The following ZFPM2 variants were observed in gnomAD, a reference collection of about 807,000 sequenced individuals.
The protein encoded by ZFPM2 is zinc finger protein ZFPM2.
ZFPM2 carries 20 observed loss-of-function variants against 98.6 expected under a neutral mutation model. The ratio of observed to expected loss-of-function variants is 0.20; its 90% CI spans 0.14 to 0.29. ZFPM2 has a LOEUF of 0.29. Among genes scored for constraint, ZFPM2 ranks in the 10% least tolerant of loss-of-function variants. The probability of loss-of-function intolerance (pLI) is 1.00; values close to 1 mark genes in which losing one functional copy is unlikely to be tolerated. For missense variants in ZFPM2, 1,310 were observed against 1,388.6 expected (o/e 0.94, Z 0.90); for synonymous variants, 518 against 502.7 (o/e 1.03, Z -0.41).
chr8:105,444,550 A>G (rs1265256565), intron 3 of ZFPM2, among the ~76,000 whole-genome samples, 169 bp downstream of exon 3: 4 of 152,182 alleles, frequency 2.6e-5, no homozygotes, highest in Non-Finnish European at 4.4e-5. Flanking sequence ...GATTTTTGTT[A>G]TATAAATTAT....
At chr8:105,570,605 G>A (rs1015876606) in intron 4 of ZFPM2, among the ~76,000 whole-genome samples, 2 of 152,144 alleles carry the variant, frequency 1.3e-5, no homozygotes, top group Non-Finnish European at 2.9e-5. Context: ...CTGAATTTGT[G>A]CCCTTCCTGA....
intron 4 of ZFPM2, among the ~76,000 whole-genome samples, chr8:105,633,256 A>T (rs1034252753): frequency 1.3e-5 from 2 of 152,224 alleles, no homozygotes; most frequent in South Asian, 4.1e-4. Flanking sequence ...TGGCAGGATC[A>T]TATCTAGGTG....
chr8:105,609,001 A>G (rs1404572914), intron 4 of ZFPM2, among the ~76,000 whole-genome samples: 1 of 152,150 alleles, frequency 6.6e-6, no homozygotes, highest in Non-Finnish European at 1.5e-5. Flanking sequence ...AAGAAGAGAC[A>G]CATGGAATAA....
chr8:105,468,368 T>C (rs1812833691), intron 3 of ZFPM2, among the ~76,000 whole-genome samples: 1 of 152,086 alleles, frequency 6.6e-6, no homozygotes, highest in Non-Finnish European at 1.5e-5. Flanking sequence ...CTCCTTCATA[T>C]GTATCAACCC....
At chr8:105,651,203 C>T (rs1258262236) in intron 5 of ZFPM2, among the ~76,000 whole-genome samples, 1 of 152,072 alleles carries the variant, frequency 6.6e-6, no homozygotes. Context: ...TTTCCTTTGA[C>T]TACCTCATTT....
chr8:105,792,454 A>G (rs577131567), intron 6 of ZFPM2, among the ~76,000 whole-genome samples: 1 of 152,300 alleles, frequency 6.6e-6, no homozygotes, highest in South Asian at 2.1e-4. Flanking sequence ...GGTCAGAGAT[A>G]TAGTTTGTTA....
In ZFPM2 at chr8:105,801,257, C is replaced by G; in HGVS notation, c.1175C>G (p.Pro392Arg). 6.2e-7 allele frequency: 1 copy of G among 1,613,900 alleles called. No homozygotes were observed. The highest frequency in any genetic ancestry group is 8.5e-7 in the Non-Finnish European group (1 of 1,179,864). Residue 392 changes from proline to arginine, a missense_variant, in exon 8 of 8, where the codon CCC becomes CGC. Coordinates refer to ENST00000407775, the MANE Select transcript of ZFPM2 (RefSeq NM_012082.4). ...QELHVPSGKL[P>R]RESDMEHSPS... is the part of the protein sequence containing the mutation. ...CTCCATGTCCCTAGCGGCAAACTTC[C>G]CAGAGAAAGTGACATGGAACACTCT...
intron 1 of ZFPM2, among the ~76,000 whole-genome samples, chr8:105,340,341 A>G (rs1812404571): frequency 2.0e-5 from 3 of 151,916 alleles, no homozygotes; most frequent in South Asian, 2.1e-4. Context: ...ATCACTCAGA[A>G]ACGTACCCAT....
intron 5 of ZFPM2, among the ~76,000 whole-genome samples, chr8:105,677,340 A>T (rs999408833): frequency 1.3e-5 from 2 of 152,104 alleles, no homozygotes; most frequent in Non-Finnish European, 2.9e-5. Flanking sequence ...AGATGGGGAA[A>T]TGGAGGTTCA....
intron 1 of ZFPM2, among the ~76,000 whole-genome samples, chr8:105,395,576 A>G (rs2127865): frequency 0.35 from 52,910 of 151,948 alleles, 11,085 homozygotes; most frequent in African/African-American, 0.59. Flanking sequence ...ATTTCAAGGG[A>G]TCAAAATGAG....
chr8:105,615,895 G>GAA (rs1218340373), intron 4 of ZFPM2, among the ~76,000 whole-genome samples: 1 of 152,034 alleles, frequency 6.6e-6, no homozygotes, highest in Non-Finnish European at 1.5e-5. Flanking sequence ...CGTGAAATAG[G>GAA]AACTACTTAA....
Position 105,706,826 on chromosome 8 carries a change from C to T in ZFPM2, c.532+72469C>T, listed in dbSNP as rs555492699. Among the ~76,000 whole-genome samples the T allele has an allele frequency of 1.4e-4, 22 of 152,226 alleles. No individual in the cohort carries two copies. The East Asian group carries it at 2.3e-3, about 16-fold the overall frequency. ...AACTCCTGACCTCAAATGATCCACC[C>T]GCCTCGGCCTCCCAAAGTGCTGGGA... On this transcript the variant is annotated intron_variant, in intron 5 of 7. Coordinates refer to ENST00000407775, the MANE Select transcript of ZFPM2 (RefSeq NM_012082.4).
intron 5 of ZFPM2, among the ~76,000 whole-genome samples, chr8:105,719,645 A>C (rs1277525341): frequency 1.3e-5 from 2 of 151,940 alleles, no homozygotes; most frequent in African/African-American, 4.8e-5. Flanking sequence ...TAGATAATAC[A>C]TATAGAGTGC....
At chr8:105,542,388 C>T (rs973758162) in intron 3 of ZFPM2, among the ~76,000 whole-genome samples, 6 of 152,116 alleles carry the variant, frequency 3.9e-5, no homozygotes, top group Admixed American at 2.6e-4. Flanking sequence ...TTTTGGTTGG[C>T]TTTGTTTTGA....
rs1554617556 is a variant in ZFPM2 at position 105,561,429 on chromosome 8, GA to G, written c.370del (p.Thr124GlnfsTer12). The G allele has an allele frequency of 6.2e-7, 1 of 1,613,480 alleles. No homozygotes were observed. Among genetic ancestry groups the G allele is most frequent in the Non-Finnish European group, 8.5e-7 (1 of 1,179,644 alleles). On this transcript the variant is annotated frameshift_variant, in exon 4 of 8. Coordinates refer to ENST00000407775, the MANE Select transcript of ZFPM2 (RefSeq NM_012082.4). LOFTEE classifies it high-confidence loss of function. The stretch of plus-strand genomic sequence containing the variant: ...CAGAGTCGACAGCAACTTCCAGTGG[GA>G]ACAACCTGGGGGCCGTTTCCTGGGA... Reference protein sequence around the residue: ...KIQSRQQLPVGTTWGPFPGKM... With the variant: ...KIQSRQQLPVXTTWGPFPGKM...
At chr8:105,509,272 G>T (rs1813765327) in intron 3 of ZFPM2, among the ~76,000 whole-genome samples, 1 of 152,158 alleles carries the variant, frequency 6.6e-6, no homozygotes, top group Non-Finnish European at 1.5e-5. Context: ...CAGCAGGTCA[G>T]GGTGGAGGCA....
chr8:105,659,982 C>A (rs915874536), intron 5 of ZFPM2, among the ~76,000 whole-genome samples: 12 of 152,102 alleles, frequency 7.9e-5, no homozygotes, highest in African/African-American at 2.4e-5. Context: ...GAAAAAATGT[C>A]TTTTGTTTTA....
At chr8:105,360,706 G>A (rs1243949260) in intron 1 of ZFPM2, among the ~76,000 whole-genome samples, 10 of 145,894 alleles carry the variant, frequency 6.9e-5, no homozygotes, top group African/African-American at 2.6e-4. Flanking sequence ...TCCCACCTAT[G>A]AGTGAGAATA....
At chr8:105,700,458 A>C (rs1811116759) in intron 5 of ZFPM2, among the ~76,000 whole-genome samples, 2 of 152,142 alleles carry the variant, frequency 1.3e-5, no homozygotes, top group Admixed American at 1.3e-4. Flanking sequence ...CCTGCTGATA[A>C]ATTTGTTACA....
Sources: allele counts gnomAD v4.1 joint callset (sites outside exome capture counted in the v4.1 genomes callset), GRCh38; gene constraint gnomAD v4.1.1; transcripts MANE v1.5; gene names NCBI Gene and HGNC (gene_info 2026-07-23, HGNC 2026-07-21).